NEMP2: variants seen among roughly 807,000 people sequenced by gnomAD.
NEMP2 encodes the protein UPF0571 transmembrane protein.
NEMP2 carries 53 observed loss-of-function variants against 54.2 expected under a neutral mutation model. The ratio of observed to expected loss-of-function variants is 0.98; its 90% CI spans 0.78 to 1.23. The LOEUF is 1.23. NEMP2 is among the 50% of genes most tolerant of loss of function. The probability of loss-of-function intolerance (pLI) is 0.00; values close to 1 mark genes in which losing one functional copy is unlikely to be tolerated. For synonymous variants in NEMP2, 197 were observed against 190.3 expected (o/e 1.04, Z -0.29); for missense variants, 455 against 511.3 (o/e 0.89, Z 1.06).
chr2:190,513,258 T>C lies in NEMP2; in HGVS notation c.953+1195A>G, dbSNP rs1460950994. 6.6e-6 allele frequency among the ~76,000 whole-genome samples: 1 copy of C among 152,194 alleles called. No homozygotes were observed. The highest frequency in any genetic ancestry group is 1.9e-4 in the East Asian group (1 of 5,192). On this transcript the variant is annotated intron_variant, in intron 7 of 8. Coordinates refer to ENST00000409150, the MANE Select transcript of NEMP2 (RefSeq NM_001142645.2). The surrounding 1 kb of genome is among the most constrained non-coding windows in gnomAD (Gnocchi z 5.3). The stretch of plus-strand genomic sequence containing the variant: ...ATGCCAACATTTAAAAATCCTGAGA[T>C]TTCACATTCTAATCGTAATTCCCAT...
chr2:190,557,532 A>G, the NEMP2 span, among the ~76,000 whole-genome samples: 1 of 152,222 alleles, frequency 6.6e-6, no homozygotes, highest in African/African-American at 2.4e-5. Flanking sequence ...CAGAGTGAAC[A>G]GGCAACATAC....
the NEMP2 span, among the ~76,000 whole-genome samples, chr2:190,605,475 A>C: frequency 6.6e-6 from 1 of 151,992 alleles, no homozygotes; most frequent in Admixed American, 6.6e-5. Flanking sequence ...CCCAGGTTCA[A>C]GCAATTCTCC....
Position 190,522,751 on chromosome 2 carries a change from T to G in NEMP2, c.213+2512A>C, listed in dbSNP as rs1359220378. Among the ~76,000 whole-genome samples the G allele has an allele frequency of 6.6e-6, 1 of 152,186 alleles. No homozygotes were observed. The highest frequency in any genetic ancestry group is 1.5e-5 in the Non-Finnish European group (1 of 68,032). On this transcript the variant is annotated intron_variant, in intron 2 of 8. Coordinates refer to ENST00000409150, the MANE Select transcript of NEMP2 (RefSeq NM_001142645.2). This position sits in a 1 kb window ranked among gnomAD's most constrained non-coding sequence, Gnocchi z 5.0. ...CTTCATCTCCATGATAAAACTTTGG[T>G]CTCCGCAATTACTTATGATAACCCA...
chr2:190,609,509 T>C, the NEMP2 span: 2 of 152,132 alleles, frequency 1.3e-5, no homozygotes, highest in Non-Finnish European at 1.5e-5. This position sits in a 1 kb window ranked among gnomAD's most constrained non-coding sequence, Gnocchi z 4.7. Flanking sequence ...TTCATTATCT[T>C]GTCAAACTTC....
At chr2:190,539,228 T>G (rs1691471134), upstream of NEMP2, among the ~76,000 whole-genome samples, 1 of 152,210 alleles carries the variant, frequency 6.6e-6, no homozygotes, top group Non-Finnish European at 1.5e-5. The surrounding 1 kb of genome is among the most constrained non-coding windows in gnomAD (Gnocchi z 4.1). Context: ...TTGTATGTCC[T>G]TGGTACTTCT....
the NEMP2 span, among the ~76,000 whole-genome samples, chr2:190,477,016 G>T: frequency 7.4e-6 from 1 of 134,342 alleles, no homozygotes; most frequent in South Asian, 2.3e-4. Flanking sequence ...TGAACACATG[G>T]ACACAGGAAG....
At chr2:190,535,532 T>A (rs1691346979), upstream of NEMP2, among the ~76,000 whole-genome samples, 1 of 152,226 alleles carries the variant, frequency 6.6e-6, no homozygotes. Flanking sequence ...GACTCAATAT[T>A]CCATACTTAA....
In NEMP2 at chr2:190,506,259, TGTC is replaced by T. The variant is rs1297209790; in HGVS notation, c.*2927_*2929del. The T allele has an allele frequency of 6.6e-6, 1 of 152,274 alleles. No individual in the cohort carries two copies. The highest frequency in any genetic ancestry group is 1.5e-5 in the Non-Finnish European group (1 of 68,054). The allele number at this position is 152,274 out of a possible 1,614,324, so 9.4% of individuals were successfully genotyped here. A position where few individuals can be genotyped will look rare whatever the true frequency, so the allele number is the denominator to read the frequency against. ...CTCTCAGAAGGCAGCTTGCTCCTGT[TGTC>T]ACCTAAAAGTACCTCTCTGTCTTCC... is the stretch of plus-strand genomic sequence containing the variant. On this transcript the variant is annotated 3_prime_UTR_variant, in exon 9 of 9. Coordinates refer to ENST00000409150, the MANE Select transcript of NEMP2 (RefSeq NM_001142645.2). This position sits in a 1 kb window ranked among gnomAD's most constrained non-coding sequence, Gnocchi z 6.3.
chr2:190,421,693 C>A, the NEMP2 span, among the ~76,000 whole-genome samples: 7 of 151,842 alleles, frequency 4.6e-5, no homozygotes, highest in African/African-American at 1.5e-4. Flanking sequence ...GTAGCTGGGA[C>A]TGTAAGCATG....
At chr2:190,565,962 A>C in the NEMP2 span, among the ~76,000 whole-genome samples, 1 of 152,174 alleles carries the variant, frequency 6.6e-6, no homozygotes, top group Non-Finnish European at 1.5e-5. Context: ...GCATTTTGTT[A>C]TGGCAGCCCT....
the NEMP2 span, among the ~76,000 whole-genome samples, chr2:190,644,674 T>G: frequency 6.6e-6 from 1 of 151,878 alleles, no homozygotes; most frequent in African/African-American, 2.4e-5. The surrounding 1 kb of genome is among the most constrained non-coding windows in gnomAD (Gnocchi z 4.4). Context: ...TGCTCTCACT[T>G]ACAAGTGGGA....
chr2:190,603,001 G>A, the NEMP2 span, among the ~76,000 whole-genome samples: 1 of 152,084 alleles, frequency 6.6e-6, no homozygotes, highest in African/African-American at 2.4e-5. Context: ...TAACTGATGG[G>A]CTTATATCCA....
chr2:190,514,727 T>A lies in NEMP2; in HGVS notation c.728-49A>T. ...TAATATAAATTTGAATTTGAGACAT[T>A]ATGTGAAAAACCTGGCAGAGCCTTG... On this transcript the variant is annotated intron_variant, in intron 6 of 8. Coordinates refer to ENST00000409150, the MANE Select transcript of NEMP2 (RefSeq NM_001142645.2). This position sits in a 1 kb window ranked among gnomAD's most constrained non-coding sequence, Gnocchi z 5.7. The A allele has an allele frequency of 6.6e-7, 1 of 1,511,362 alleles. No individual in the cohort carries two copies. Among genetic ancestry groups the A allele is most frequent in the Non-Finnish European group, 9.0e-7 (1 of 1,112,772 alleles). The allele number at this position is 1,511,362 out of a possible 1,614,324, so 93.6% of individuals were successfully genotyped here. A position where few individuals can be genotyped will look rare whatever the true frequency, so the allele number is the denominator to read the frequency against.
the NEMP2 span, among the ~76,000 whole-genome samples, chr2:190,624,128 T>A: frequency 6.6e-6 from 1 of 151,934 alleles, no homozygotes; most frequent in Non-Finnish European, 1.5e-5. Context: ...AAAAAGGAGT[T>A]GGGGGGCAAA....
chr2:190,549,530 T>C, the NEMP2 span, among the ~76,000 whole-genome samples: 1 of 152,240 alleles, frequency 6.6e-6, no homozygotes, highest in East Asian at 1.9e-4. Context: ...CTTTTCATCC[T>C]CTGAAGCTGA....
chr2:190,575,715 G>C, the NEMP2 span, among the ~76,000 whole-genome samples: 1 of 152,144 alleles, frequency 6.6e-6, no homozygotes, highest in Non-Finnish European at 1.5e-5. Flanking sequence ...AATTAGTTGG[G>C]CATGGTGGTG....
the NEMP2 span, among the ~76,000 whole-genome samples, chr2:190,596,739 C>A: frequency 6.6e-6 from 1 of 152,138 alleles, no homozygotes; most frequent in Non-Finnish European, 1.5e-5. The surrounding 1 kb of genome is among the most constrained non-coding windows in gnomAD (Gnocchi z 5.1). Context: ...TAATTCAACT[C>A]TTCTGATGAA....
chr2:190,453,908 G>C, the NEMP2 span, among the ~76,000 whole-genome samples: 3 of 152,184 alleles, frequency 2.0e-5, no homozygotes, highest in Non-Finnish European at 2.9e-5. Flanking sequence ...ACATGTCAGA[G>C]AGTGGCATTG....
chr2:190,422,346 G>A, the NEMP2 span, among the ~76,000 whole-genome samples: 6 of 152,222 alleles, frequency 3.9e-5, no homozygotes, highest in African/African-American at 1.2e-4. Flanking sequence ...TGTCATCCCT[G>A]TATTCCTGTT....
Sources: gnomAD v4.1 joint callset for allele counts (sites outside exome capture counted in the v4.1 genomes callset) on GRCh38, gnomAD v4.1.1 for gene constraint, Gnocchi (gnomAD v3.1) non-coding constraint, MANE v1.5 for transcripts, NCBI Gene and HGNC (gene_info 2026-07-23, HGNC 2026-07-21) for gene names.